CEP162: variants seen among roughly 807,000 people sequenced by gnomAD.
The protein encoded by CEP162 is centrosomal protein 162, also known as centrosomal protein of 162 kDa.
In CEP162, 141 loss-of-function variants were observed where a neutral mutation model predicts 169.2. The observed-to-expected ratio is 0.83, with a 90% CI of 0.73 to 0.96. The LOEUF is 0.96. Ranked by LOEUF, CEP162 falls within the 40% of genes least tolerant of loss-of-function variation. The pLI is 0.00. For synonymous variants in CEP162, 540 were observed against 526.4 expected (o/e 1.03, Z -0.35); for missense variants, 1,600 against 1,587.2 (o/e 1.01, Z -0.14).
intron 8 of CEP162, 94 bp from the exon 9 acceptor site, chr6:84,200,999 C>A: frequency 2.7e-6 from 2 of 740,226 alleles, no homozygotes; most frequent in South Asian, 1.8e-5. Context: ...GCAATGCAGG[C>A]CGGGCGCGGT....
chr6:84,212,141 C>T (rs975095489), intron 6 of CEP162, among the ~76,000 whole-genome samples: 1 of 152,046 alleles, frequency 6.6e-6, no homozygotes, highest in Admixed American at 6.6e-5. Context: ...GAACTTGTTC[C>T]TAGCAGTAAC....
In CEP162 at chr6:84,186,319, G is replaced by A. The variant is rs762628979; in HGVS notation, c.1401+13C>T. ...TCTCAATCTCTCAAATCAATTTGAT[G>A]ATAAATACTTACTTTATTAATTTTG... On this transcript the variant is annotated intron_variant, in intron 12 of 26. Transcript: ENST00000403245. 1 of 1,324,168 alleles carries A rather than the reference G, an allele frequency of 7.6e-7. No homozygotes were observed. Among genetic ancestry groups the A allele is most frequent in the Non-Finnish European group, 1.1e-6 (1 of 923,634 alleles). 82.0% of individuals were successfully genotyped at this position (1,324,168 alleles called of 1,614,324 possible).
chr6:84,145,962 A>C (rs1481943664), intron 25 of CEP162, among the ~76,000 whole-genome samples: 1 of 152,134 alleles, frequency 6.6e-6, no homozygotes, highest in African/African-American at 2.4e-5. Flanking sequence ...TTAGATCACC[A>C]TATAGAGGCC....
intron 25 of CEP162, among the ~76,000 whole-genome samples, chr6:84,130,467 G>T (rs952398445): frequency 6.6e-6 from 1 of 152,128 alleles, no homozygotes; most frequent in African/African-American, 2.4e-5. Flanking sequence ...GTAGAATTCG[G>T]CTGTGCACCC....
intron 13 of CEP162, among the ~76,000 whole-genome samples, chr6:84,179,721 G>A (rs2099533945): frequency 6.6e-6 from 1 of 152,042 alleles, no homozygotes; most frequent in African/African-American, 2.4e-5. Flanking sequence ...ACACATTTCT[G>A]CAAATAAACT....
At chr6:84,127,170 T>C (rs904418748) in intron 25 of CEP162, among the ~76,000 whole-genome samples, 1 of 152,144 alleles carries the variant, frequency 6.6e-6, no homozygotes, top group African/African-American at 2.4e-5. Context: ...ATTAATTGTA[T>C]CTTCTTTATC....
chr6:84,160,300 A>T (rs2099525246), intron 21 of CEP162, among the ~76,000 whole-genome samples: 1 of 152,254 alleles, frequency 6.6e-6, no homozygotes, highest in African/African-American at 2.4e-5. Context: ...CTTTATGATT[A>T]AAGGTCTCCC....
chr6:84,131,982 G>C lies in CEP162; in HGVS notation c.3871-5470C>G, dbSNP rs562906351. Among the ~76,000 whole-genome samples, 5 of 152,324 alleles carry C rather than the reference G, an allele frequency of 3.3e-5. No individual in the cohort carries two copies. The South Asian group carries it at 1.0e-3, about 32-fold the overall frequency. Reference sequence around the variant, plus strand: ...CATGTTTTAGCAGTGGCTGGTACCAGTCGTTCCTTTCCACGTTTAGTGCTT... The same window carrying C: ...CATGTTTTAGCAGTGGCTGGTACCACTCGTTCCTTTCCACGTTTAGTGCTT... On this transcript the variant is annotated intron_variant, in intron 25 of 26. Coordinates refer to ENST00000403245, the MANE Select transcript of CEP162 (RefSeq NM_014895.4).
chr6:84,177,612 T>G (rs532034539), intron 13 of CEP162, among the ~76,000 whole-genome samples: 1 of 152,176 alleles, frequency 6.6e-6, no homozygotes, highest in Non-Finnish European at 1.5e-5. Context: ...CTCGGCTCAC[T>G]GCAACCTCCG....
intron 22 of CEP162, among the ~76,000 whole-genome samples, chr6:84,154,338 G>A (rs537817669): frequency 2.0e-3 from 300 of 149,584 alleles, no homozygotes; most frequent in African/African-American, 6.7e-3. Flanking sequence ...CTATCTGTCT[G>A]TCTGTCTGTC....
At chr6:84,221,779 A>G (rs2099553826) in intron 2 of CEP162, among the ~76,000 whole-genome samples, 1 of 152,080 alleles carries the variant, frequency 6.6e-6, no homozygotes, top group Admixed American at 6.5e-5. Context: ...AAAAACCTTC[A>G]AACACCACCC....
At chr6:84,195,158 T>A in intron 9 of CEP162, 83 bp from the exon 10 acceptor site, 1 of 1,121,404 alleles carries the variant, frequency 8.9e-7, no homozygotes, top group Non-Finnish European at 1.3e-6. Context: ...TTCCTTAACC[T>A]GTTAGGAATA....
chr6:84,187,657 C>T (rs1487046042), intron 11 of CEP162, among the ~76,000 whole-genome samples: 3 of 152,186 alleles, frequency 2.0e-5, no homozygotes, highest in Non-Finnish European at 2.9e-5. Context: ...GCTTAGTTGT[C>T]AAGTTTAGGA....
At chr6:84,128,535 T>C (rs1001672230) in intron 25 of CEP162, among the ~76,000 whole-genome samples, 10 of 152,144 alleles carry the variant, frequency 6.6e-5, no homozygotes, top group African/African-American at 2.2e-4. Context: ...TTCTATATGG[T>C]GGTCGGTAAG....
chr6:84,161,652 A>T, intron 20 of CEP162, 94 bp downstream of exon 20: 1 of 874,560 alleles, frequency 1.1e-6, no homozygotes, highest in Non-Finnish European at 1.8e-6. Flanking sequence ...GATCTTAATT[A>T]ATTAATGATG....
rs771557058 is a variant in CEP162 at position 84,194,988 on chromosome 6, T to C, written c.923A>G (p.Lys308Arg). Residue 308 changes from lysine (K) to arginine (R), a missense_variant, in exon 10 of 27, where the codon AAA (lysine) becomes AGA (arginine). Coordinates refer to ENST00000403245, the MANE Select transcript of CEP162 (RefSeq NM_014895.4). ...CACTGTGTTACTCTCAATTTTTTGTTTGTCTTCATCTCCCAATGAATGGGC... is the reference window on the plus strand; with the variant it reads ...CACTGTGTTACTCTCAATTTTTTGTCTGTCTTCATCTCCCAATGAATGGGC... ...HIAHSLGDED[K>R]QKIESNTVED... 6 of 1,613,422 alleles carry C rather than the reference T, an allele frequency of 3.7e-6. No homozygotes were observed. In the Admixed American group the frequency reaches 5.0e-5, roughly 13 times the overall value.
chr6:84,128,959 G>A (rs889899634), intron 25 of CEP162, among the ~76,000 whole-genome samples: 1 of 150,026 alleles, frequency 6.7e-6, no homozygotes, highest in South Asian at 2.1e-4. Context: ...TTCTGTTCTT[G>A]CCTTAGTTTG....
At chr6:84,227,274 G>C (rs901176014) in intron 1 of CEP162, among the ~76,000 whole-genome samples, 1 of 152,086 alleles carries the variant, frequency 6.6e-6, no homozygotes, top group Non-Finnish European at 1.5e-5. Flanking sequence ...CCTCCCCATC[G>C]TGCAGAGTAA....
chr6:84,227,254 C>G (rs1588908978), intron 1 of CEP162, among the ~76,000 whole-genome samples: 1 of 152,086 alleles, frequency 6.6e-6, no homozygotes, highest in South Asian at 2.1e-4. Context: ...CTTGCAGACC[C>G]GGACAATACC....
Sources: gnomAD v4.1 joint callset for allele counts (sites outside exome capture counted in the v4.1 genomes callset) on GRCh38, gnomAD v4.1.1 for gene constraint, MANE v1.5 for transcripts, NCBI Gene and HGNC (gene_info 2026-07-23, HGNC 2026-07-21) for gene names.